Variants in CSMD2 observed in about 807,000 individuals in gnomAD.
CSMD2 encodes CUB and sushi domain-containing protein 2.
CSMD2 carries 130 observed loss-of-function variants against 398.5 expected under a neutral mutation model. That is an observed-to-expected ratio of 0.33 (90% confidence interval 0.28 to 0.38). CSMD2 has a LOEUF of 0.38. CSMD2 is among the 10% of genes least tolerant of loss of function. The pLI, the probability that CSMD2 is intolerant of heterozygous loss-of-function variation, is 1.00. For synonymous variants in CSMD2, 1,828 were observed against 1,908.5 expected (o/e 0.96, Z 1.10); for missense variants, 3,829 against 4,764.9 (o/e 0.80, Z 5.78).
chr1:33,907,224 T>C (rs1383130484), intron 5 of CSMD2, among the ~76,000 whole-genome samples: 2 of 151,442 alleles, frequency 1.3e-5, no homozygotes, highest in African/African-American at 4.8e-5. Flanking sequence ...CTTTGCGCCA[T>C]TCTCCTGCCT....
upstream of CSMD2, chr1:34,165,599 AACAC>A (rs113072230): frequency 1.4e-3 from 851 of 630,044 alleles, 1 homozygote; most frequent in Admixed American, 3.3e-3. Flanking sequence ...CACACACACA[AACAC>A]ACACACACAC....
chr1:33,553,481 C>T (rs778368310), intron 55 of CSMD2, among the ~76,000 whole-genome samples: 1 of 152,168 alleles, frequency 6.6e-6, no homozygotes, highest in Non-Finnish European at 1.5e-5. Context: ...TCCTTGAGTG[C>T]CCCTATTCCC....
intron 1 of CSMD2, among the ~76,000 whole-genome samples, chr1:34,119,393 A>AG (rs1432202944): frequency 2.6e-5 from 4 of 152,256 alleles, no homozygotes; most frequent in African/African-American, 9.6e-5. Context: ...ACACAAGCAC[A>AG]GGCAACAAAA....
chr1:33,533,880 G>C lies in CSMD2; in HGVS notation c.9907C>G (p.Gln3303Glu), dbSNP rs1420116676. Reference sequence around the variant, plus strand: ...GAGCCCTGAAGCAGGTAGCCTTTTTGACAACGGAAGAGGACTGTGCTTCCA... The same window carrying C: ...GAGCCCTGAAGCAGGTAGCCTTTTTCACAACGGAAGAGGACTGTGCTTCCA... ...QVGSTVLFRC[Q>E]KGYLLQGSTT... The change falls in exon 63 of 71, where the codon CAA becomes GAA. Residue 3303 changes from glutamine to glutamate, a missense_variant. Coordinates refer to ENST00000373381, the MANE Select transcript of CSMD2 (RefSeq NM_001281956.2). This position sits in a 1 kb window ranked among gnomAD's most constrained non-coding sequence, Gnocchi z 4.2. The C allele has an allele frequency of 2.5e-6, 4 of 1,613,934 alleles. No individual in the cohort carries two copies. The Middle Eastern group carries it at 5.0e-4, about 200-fold the overall frequency.
intron 5 of CSMD2, 31 bp downstream of exon 5, chr1:33,918,063 G>A (rs1335130669): frequency 1.9e-6 from 3 of 1,595,642 alleles, no homozygotes; most frequent in East Asian, 4.5e-5. Context: ...GCAGAGAATA[G>A]GGTAGGAAAG....
chr1:34,078,768 T>C (rs1199861925), intron 2 of CSMD2, among the ~76,000 whole-genome samples: 1 of 152,200 alleles, frequency 6.6e-6, no homozygotes, highest in East Asian at 1.9e-4. Context: ...AAAATGTCAG[T>C]GCAGCAAATA....
At chr1:33,769,117 T>C (rs1650931024) in intron 13 of CSMD2, among the ~76,000 whole-genome samples, 1 of 152,128 alleles carries the variant, frequency 6.6e-6, no homozygotes, top group South Asian at 2.1e-4. Flanking sequence ...ACCATCAGAG[T>C]TATTTGTATC....
chr1:33,604,416 T>C (rs192863510), intron 42 of CSMD2, among the ~76,000 whole-genome samples: 1 of 152,302 alleles, frequency 6.6e-6, no homozygotes, highest in Non-Finnish European at 1.5e-5. Flanking sequence ...ACTGAGAGTT[T>C]GAGTCTGAGA....
At chr1:33,787,677 C>T (rs563221942) in intron 12 of CSMD2, among the ~76,000 whole-genome samples, 4 of 152,172 alleles carry the variant, frequency 2.6e-5, no homozygotes, top group African/African-American at 4.8e-5. Flanking sequence ...GCTGGTCTAG[C>T]GTCTAGTACC....
At chr1:33,874,150 A>G (rs1395733515) in intron 5 of CSMD2, among the ~76,000 whole-genome samples, 1 of 152,216 alleles carries the variant, frequency 6.6e-6, no homozygotes, top group African/African-American at 2.4e-5. Context: ...ATCTTGCCTT[A>G]TTCATCACAG....
At chr1:34,141,320 T>C (rs1639274207) in intron 1 of CSMD2, among the ~76,000 whole-genome samples, 2 of 152,102 alleles carry the variant, frequency 1.3e-5, no homozygotes, top group Admixed American at 6.5e-5. Context: ...GAGAACAAGA[T>C]AGACAAGCTC....
At chr1:33,932,259 G>C (rs1644336289) in intron 4 of CSMD2, among the ~76,000 whole-genome samples, 1 of 152,148 alleles carries the variant, frequency 6.6e-6, no homozygotes, top group South Asian at 2.1e-4. Context: ...ACAGAGAATG[G>C]GGTTGGAGGT....
At chr1:33,963,849 A>C (rs372808212) in intron 3 of CSMD2, among the ~76,000 whole-genome samples, 1 of 152,242 alleles carries the variant, frequency 6.6e-6, no homozygotes, top group East Asian at 1.9e-4. Flanking sequence ...CTGTTCTTAC[A>C]AATAGAACCA....
chr1:33,846,099 C>T (rs1009955230), intron 6 of CSMD2, among the ~76,000 whole-genome samples: 14 of 152,206 alleles, frequency 9.2e-5, no homozygotes, highest in Admixed American at 2.6e-4. Flanking sequence ...AACGCAATGT[C>T]GAAAAGGAAT....
intron 1 of CSMD2, among the ~76,000 whole-genome samples, chr1:34,133,492 G>A (rs1352071048): frequency 1.3e-4 from 19 of 151,980 alleles, no homozygotes; most frequent in African/African-American, 3.9e-4. Context: ...TTAGCCAGGC[G>A]TGGTGGTGGG....
rs3078758 is a variant in CSMD2 at position 33,643,889 on chromosome 1, T to TGAAGGAAG, written c.4774+2751_4774+2758dup. ...TATTAGGAGGTGTGTAGTCTGGGAA[T>TGAAGGAAG]GAAGGAAGGAAGGAAGGAAGGAAGG... On this transcript the variant is annotated intron_variant, in intron 29 of 70. Coordinates refer to ENST00000373381, the MANE Select transcript of CSMD2 (RefSeq NM_001281956.2). Among the ~76,000 whole-genome samples, 1,413 of 142,888 alleles carry TGAAGGAAG rather than the reference T, an allele frequency of 9.9e-3. 19 individuals are homozygous for TGAAGGAAG. The highest frequency in any genetic ancestry group is 0.025 in the African/African-American group (965 of 38,046). 93.7% of individuals were successfully genotyped at this position (142,888 alleles called of 152,430 possible).
At chr1:33,791,817 G>A (rs1654353161) in intron 11 of CSMD2, among the ~76,000 whole-genome samples, 1 of 152,116 alleles carries the variant, frequency 6.6e-6, no homozygotes, top group Admixed American at 6.6e-5. Context: ...CAGGCTATTG[G>A]TGGTGGGCAA....
In CSMD2 at chr1:33,635,117, G is replaced by C; in HGVS notation, c.5086+97C>G. On this transcript the variant is annotated intron_variant, in intron 31 of 70. Coordinates refer to ENST00000373381, the MANE Select transcript of CSMD2 (RefSeq NM_001281956.2). This position sits in a 1 kb window ranked among gnomAD's most constrained non-coding sequence, Gnocchi z 5.0. ...GACTGTTCTGCGATTCCCACAATGG[G>C]GCTGTATATAATTGGGAGGCGTCTG... 1 of 734,778 alleles carries C rather than the reference G, an allele frequency of 1.4e-6. No individual in the cohort carries two copies. The highest frequency in any genetic ancestry group is 2.4e-6 in the Non-Finnish European group (1 of 416,324). 45.5% of individuals were successfully genotyped at this position (734,778 alleles called of 1,614,324 possible).
chr1:33,723,133 C>T (rs377685627), intron 19 of CSMD2, among the ~76,000 whole-genome samples: 1 of 152,338 alleles, frequency 6.6e-6, no homozygotes, highest in East Asian at 1.9e-4. Flanking sequence ...TGTACTCATA[C>T]CACATTGTTA....
Sources: gnomAD v4.1 joint callset for allele counts (sites outside exome capture counted in the v4.1 genomes callset) on GRCh38, gnomAD v4.1.1 for gene constraint, Gnocchi (gnomAD v3.1) non-coding constraint, MANE v1.5 for transcripts, NCBI Gene and HGNC (gene_info 2026-07-23, HGNC 2026-07-21) for gene names.